The following CALB1 variants were observed in gnomAD, a reference collection of about 807,000 sequenced individuals.
CALB1 encodes calbindin.
A neutral mutation model predicts 46.7 loss-of-function variants in CALB1; 16 were observed. That is an observed-to-expected ratio of 0.34 (90% CI 0.23 to 0.52). CALB1 has a LOEUF of 0.52. Among genes scored for constraint, CALB1 ranks in the 20% least tolerant of loss-of-function variants. The pLI is 0.95. For missense variants in CALB1, 224 were observed against 300.3 expected (o/e 0.75, Z 1.88); for synonymous variants, 90 against 112.8 (o/e 0.80, Z 1.28).
Position 90,063,138 on chromosome 8 carries a change from C to G in CALB1, c.562G>C (p.Gly188Arg). The change falls in exon 9 of 11, where the codon GGG (glycine) becomes CGG (arginine). Residue 188 changes from glycine to arginine, a missense_variant. Coordinates refer to ENST00000265431, the MANE Select transcript of CALB1 (RefSeq NM_004929.4). The stretch of plus-strand genomic sequence containing the variant: ...TCAAAAGCCTTATTGAACTCTTTCC[C>G]ACACATTTTGATTCCCTAAAGATAG... ...LLKFQGIKMCGKEFNKAFELY... is the reference protein window; with the variant it reads ...LLKFQGIKMCRKEFNKAFELY... 6.2e-7 allele frequency: 1 copy of G among 1,608,334 alleles called. No individual in the cohort carries two copies. The highest frequency in any genetic ancestry group is 8.5e-7 in the Non-Finnish European group (1 of 1,175,598).
At chr8:90,082,527 G>A in intron 1 of CALB1, 92 bp downstream of exon 1, 1 of 991,828 alleles carries the variant, frequency 1.0e-6, no homozygotes, top group East Asian at 2.4e-5. Flanking sequence ...TAGAAAGGAG[G>A]GATAATGGGA....
intron 3 of CALB1, among the ~76,000 whole-genome samples, chr8:90,069,579 T>C (rs190187477): frequency 5.3e-5 from 8 of 152,260 alleles, no homozygotes; most frequent in Admixed American, 2.0e-4. Flanking sequence ...TGCCACAGAT[T>C]AGTGTTCTAT....
Position 90,060,616 on chromosome 8 carries a change from G to T in CALB1, c.672+13C>A. 1 of 1,606,364 alleles carries T rather than the reference G, an allele frequency of 6.2e-7. No homozygotes were observed. Among genetic ancestry groups the T allele is most frequent in the Non-Finnish European group, 8.5e-7 (1 of 1,173,074 alleles). ...TCTGCTTAAAGAAGTAAGTGCCATG[G>T]TAACTAAGTTACCTGTTTATTCTTC... is the stretch of plus-strand genomic sequence containing the variant. On this transcript the variant is annotated intron_variant, in intron 10 of 10. Transcript: ENST00000265431.
chr8:90,082,106 C>T lies in CALB1; in HGVS notation c.80-4G>A. 2 of 1,613,050 alleles carry T rather than the reference C, an allele frequency of 1.2e-6. No individual in the cohort carries two copies. The highest frequency in any genetic ancestry group is 8.5e-7 in the Non-Finnish European group (1 of 1,179,204). Reference sequence around the variant, plus strand: ...TTTCCTTCCAGGTAACCACTTCCTGCAAAGACAAAGAGGCACCCAGGTGTC... The same window carrying T: ...TTTCCTTCCAGGTAACCACTTCCTGTAAAGACAAAGAGGCACCCAGGTGTC... On this transcript the variant is annotated splice_polypyrimidine_tract_variant and splice_region_variant and intron_variant, in intron 1 of 10. Transcript: ENST00000265431.
intron 5 of CALB1, among the ~76,000 whole-genome samples, chr8:90,066,897 A>T (rs771986660): frequency 2.0e-5 from 3 of 152,086 alleles, no homozygotes; most frequent in Non-Finnish European, 4.4e-5. Context: ...TTATTGAAGG[A>T]TTAGATTTCT....
At chr8:90,080,996 CAACACTGCCTTCTG>C (rs1330544732) in intron 2 of CALB1, among the ~76,000 whole-genome samples, 1 of 152,108 alleles carries the variant, frequency 6.6e-6, no homozygotes. Context: ...CATCCCAATT[CAACACTGCCTTCTG>C]AAAGGCAGTG....
At chr8:90,063,219 A>G in intron 8 of CALB1, 62 bp downstream of exon 8, 3 of 1,530,420 alleles carry the variant, frequency 2.0e-6, no homozygotes. Flanking sequence ...TTCCCTTGAC[A>G]AGTCTCCCAC....
chr8:90,063,083 A>G lies in CALB1; in HGVS notation c.600+17T>C. 1 of 1,581,912 alleles carries G rather than the reference A, an allele frequency of 6.3e-7. No individual in the cohort carries two copies. Among genetic ancestry groups the G allele is most frequent in the Non-Finnish European group, 8.6e-7 (1 of 1,160,828 alleles). ...TTACTTCAATAAAAAAGAAAGGAAA[A>G]AGTAACAAACTTTTACCTGATCATA... On this transcript the variant is annotated intron_variant, in intron 9 of 10. Transcript: ENST00000265431.
intron 3 of CALB1, among the ~76,000 whole-genome samples, chr8:90,072,552 G>T (rs926345570): frequency 6.6e-6 from 1 of 152,220 alleles, no homozygotes; most frequent in African/African-American, 2.4e-5. Context: ...TATAGTGAAT[G>T]TAAAGAAATC....
Position 90,078,391 on chromosome 8 carries a change from T to G in CALB1, c.213A>C (p.Gly71=). ...TCCTTACCTCTACAATTCCTATTTT[T>G]CCATCATCTCTTTGCCCATACTGAT... is the stretch of plus-strand genomic sequence containing the variant. ...FVDQYGQRDD[G]KIGIVELAHV... The change falls in exon 3 of 11, where the codon GGA becomes GGC. Residue 71 remains glycine (G), a synonymous_variant. Transcript: ENST00000265431. 6.3e-7 allele frequency: 1 copy of G among 1,588,156 alleles called. No individual in the cohort carries two copies. The highest frequency in any genetic ancestry group is 8.6e-7 in the Non-Finnish European group (1 of 1,163,252).
In CALB1 at chr8:90,068,987, T is replaced by C. The variant is rs754426656; in HGVS notation, c.372+11A>G. The C allele has an allele frequency of 6.3e-7, 1 of 1,598,614 alleles. No homozygotes were observed. The highest frequency in any genetic ancestry group is 2.2e-5 in the East Asian group (1 of 44,802). On this transcript the variant is annotated intron_variant, in intron 5 of 10. Coordinates refer to ENST00000265431, the MANE Select transcript of CALB1 (RefSeq NM_004929.4). ...AAAGGAAAAACTTAGTACAAGTTTT[T>C]ATTTGCTTACCTTAAGCTCCTCAGT...
At chr8:90,063,246 G>T in intron 8 of CALB1, 35 bp downstream of exon 8, 1 of 1,562,670 alleles carries the variant, frequency 6.4e-7, no homozygotes. Flanking sequence ...GCTTTTCAAG[G>T]AAAATATTAT....
intron 3 of CALB1, among the ~76,000 whole-genome samples, chr8:90,074,455 G>T (rs954493313): frequency 4.6e-5 from 7 of 152,150 alleles, no homozygotes; most frequent in African/African-American, 1.4e-4. Context: ...TCTTGGCTTA[G>T]AGACTCTGTC....
chr8:90,080,320 T>A (rs1222402473), intron 2 of CALB1, among the ~76,000 whole-genome samples: 5 of 151,738 alleles, frequency 3.3e-5, no homozygotes, highest in African/African-American at 1.2e-4. Flanking sequence ...AAGAAAAATA[T>A]TTTTTTAAAG....
intron 6 of CALB1, chr8:90,063,734 C>T (rs1036849234): frequency 2.6e-5 from 9 of 347,024 alleles, no homozygotes; most frequent in African/African-American, 8.6e-5. Context: ...ATTGCAAATA[C>T]GTTCATATGT....
intron 10 of CALB1, 93 bp downstream of exon 10, chr8:90,060,536 G>A: frequency 3.0e-6 from 3 of 1,005,618 alleles, no homozygotes; most frequent in Non-Finnish European, 4.7e-6. Flanking sequence ...TCTATAAATT[G>A]TTAAAGTAGA....
At chr8:90,071,767 G>GT (rs889311790) in intron 3 of CALB1, among the ~76,000 whole-genome samples, 13 of 152,028 alleles carry the variant, frequency 8.6e-5, no homozygotes, top group Admixed American at 2.6e-4. Flanking sequence ...ATTTTATTAT[G>GT]TTTTTTTCAT....
chr8:90,067,675 G>A (rs1425163968), intron 5 of CALB1, among the ~76,000 whole-genome samples: 1 of 152,056 alleles, frequency 6.6e-6, no homozygotes, highest in African/African-American at 2.4e-5. Context: ...GTTGAATTAT[G>A]ACTAGAACTG....
chr8:90,080,625 T>C (rs1212281678), intron 2 of CALB1, among the ~76,000 whole-genome samples: 1 of 151,928 alleles, frequency 6.6e-6, no homozygotes, highest in Non-Finnish European at 1.5e-5. Flanking sequence ...TATAAAACAT[T>C]TTTATGCTAT....
Sources: gnomAD v4.1 joint callset for allele counts (sites outside exome capture counted in the v4.1 genomes callset) on GRCh38, gnomAD v4.1.1 for gene constraint, MANE v1.5 for transcripts, NCBI Gene and HGNC (gene_info 2026-07-23, HGNC 2026-07-21) for gene names.